MECOM: variants seen among roughly 807,000 people sequenced by gnomAD.
The protein encoded by MECOM is MDS1 and EVI1 complex locus, also known as histone-lysine N-methyltransferase MECOM.
Under a neutral mutation model 116.3 loss-of-function variants are expected in MECOM, and 13 were observed. The observed-to-expected ratio is 0.11, with a 90% CI of 0.07 to 0.18. MECOM has a LOEUF of 0.18. MECOM is among the 10% of genes least tolerant of loss of function. MECOM has a pLI of 1.00. For synonymous variants in MECOM, 528 were observed against 535.2 expected, an observed-to-expected ratio of 0.99 and a Z score of 0.19; for missense variants, 1,299 against 1,509.0, an observed-to-expected ratio of 0.86 and a Z score of 2.31.
chr3:169,149,023 G>C (rs986898307), intron 2 of MECOM, among the ~76,000 whole-genome samples: 5 of 151,036 alleles, frequency 3.3e-5, no homozygotes, highest in Admixed American at 3.3e-4. Context: ...AGAGCTCCTG[G>C]TTCGTGGCCA....
At chr3:169,366,440 C>A (rs1230498208) in intron 2 of MECOM, among the ~76,000 whole-genome samples, 2 of 151,902 alleles carry the variant, frequency 1.3e-5, no homozygotes, top group Non-Finnish European at 2.9e-5. Flanking sequence ...CTGCTCCTAC[C>A]CGTACAGTAC....
At chr3:169,617,052 T>C (rs1272802698) in intron 1 of MECOM, among the ~76,000 whole-genome samples, 1 of 152,212 alleles carries the variant, frequency 6.6e-6, no homozygotes, top group African/African-American at 2.4e-5. Context: ...CTATTTTCAT[T>C]GTATTTTCTT....
intron 3 of MECOM, among the ~76,000 whole-genome samples, chr3:169,138,283 A>G (rs1736981959): frequency 1.3e-5 from 2 of 152,094 alleles, no homozygotes; most frequent in African/African-American, 2.4e-5. Context: ...ACTTCAGGTC[A>G]CCCTCTCTTT....
At chr3:169,601,395 G>A (rs946718244) in intron 1 of MECOM, among the ~76,000 whole-genome samples, 7 of 152,208 alleles carry the variant, frequency 4.6e-5, no homozygotes, top group African/African-American at 1.7e-4. Context: ...TATAAAAGAG[G>A]AAGGCAGCAG....
At chr3:169,562,802 C>T (rs1342502235) in intron 1 of MECOM, among the ~76,000 whole-genome samples, 1 of 152,174 alleles carries the variant, frequency 6.6e-6, no homozygotes, top group African/African-American at 2.4e-5. Context: ...TGGCTCATGC[C>T]TGTAATCCCA....
rs775354165 is a variant in MECOM, at chr3:169,112,911, T to A, written c.2490-37A>T. On this transcript the variant is annotated intron_variant, in intron 8 of 16. Coordinates refer to ENST00000651503, the MANE Select transcript of MECOM (RefSeq NM_004991.4). ...AAATTAGATTTTGGAGATGAAGCAGTCTCACATATCAATCACTACATAATC... is the reference window on the plus strand; with the variant it reads ...AAATTAGATTTTGGAGATGAAGCAGACTCACATATCAATCACTACATAATC... The A allele has an allele frequency of 2.9e-6, 4 of 1,400,500 alleles. No individual in the cohort carries two copies. In the Admixed American group the frequency reaches 5.1e-5, roughly 18 times the overall value. The allele number at this position is 1,400,500 out of a possible 1,614,324, so 86.8% of individuals were successfully genotyped here.
intron 2 of MECOM, among the ~76,000 whole-genome samples, chr3:169,155,691 T>C (rs1741860458): frequency 6.6e-6 from 1 of 152,194 alleles, no homozygotes; most frequent in African/African-American, 2.4e-5. Flanking sequence ...TCTTTTACAA[T>C]TTGATGTCAA....
At chr3:169,491,719 A>G (rs1282407842) in intron 1 of MECOM, among the ~76,000 whole-genome samples, 1 of 152,242 alleles carries the variant, frequency 6.6e-6, no homozygotes, top group East Asian at 1.9e-4. Flanking sequence ...TCTGTAAGAC[A>G]TTTGTACCAA....
chr3:169,487,880 A>G (rs1455908375), intron 1 of MECOM, among the ~76,000 whole-genome samples: 2 of 152,166 alleles, frequency 1.3e-5, no homozygotes, highest in Non-Finnish European at 2.9e-5. Flanking sequence ...TGGTTACATT[A>G]ATATGAAACA....
intron 1 of MECOM, among the ~76,000 whole-genome samples, chr3:169,604,500 T>C (rs1165071366): frequency 1.3e-5 from 2 of 152,206 alleles, no homozygotes; most frequent in East Asian, 3.9e-4. Context: ...CCCTGAGCCC[T>C]GTGGAAGCAG....
chr3:169,087,958 A>G (rs752607205), intron 16 of MECOM, among the ~76,000 whole-genome samples: 62 of 152,362 alleles, frequency 4.1e-4, no homozygotes, highest in Non-Finnish European at 6.5e-4. Context: ...CTATTACCAT[A>G]CATAATATCT....
intron 16 of MECOM, chr3:169,086,616 G>A (rs1006398105): frequency 1.4e-6 from 1 of 700,134 alleles, no homozygotes; most frequent in South Asian, 1.5e-5. Context: ...GAGTTGTGGA[G>A]GAATCACATG....
chr3:169,200,113 T>G (rs187204863), intron 2 of MECOM, among the ~76,000 whole-genome samples: 152 of 152,180 alleles, frequency 1.0e-3, no homozygotes, highest in African/African-American at 3.5e-3. Flanking sequence ...ATTTCAAAGG[T>G]CAAAGACAGC....
At chr3:169,504,964 A>G (rs1755018097) in intron 1 of MECOM, among the ~76,000 whole-genome samples, 1 of 152,170 alleles carries the variant, frequency 6.6e-6, no homozygotes, top group African/African-American at 2.4e-5. Context: ...TACTGGCCCA[A>G]AAAGGAGGCT....
intron 2 of MECOM, among the ~76,000 whole-genome samples, chr3:169,233,062 C>T (rs1753608338): frequency 6.6e-6 from 1 of 152,008 alleles, no homozygotes; most frequent in African/African-American, 2.4e-5. Context: ...GGGCCTGTCT[C>T]CCAGTCAGGA....
At chr3:169,169,506 A>G (rs768784280) in intron 2 of MECOM, among the ~76,000 whole-genome samples, 55 of 152,264 alleles carry the variant, frequency 3.6e-4, no homozygotes, top group Middle Eastern at 3.4e-3. Flanking sequence ...TTTCTCTCAT[A>G]TTACTAAATG....
intron 1 of MECOM, among the ~76,000 whole-genome samples, chr3:169,406,633 ACT>A (rs1390883834): frequency 1.3e-5 from 2 of 152,046 alleles, no homozygotes; most frequent in Non-Finnish European, 2.9e-5. Flanking sequence ...CCAGACTGAC[ACT>A]CTCTTACGCA....
intron 2 of MECOM, among the ~76,000 whole-genome samples, chr3:169,189,368 C>T (rs949289211): frequency 6.6e-6 from 1 of 151,990 alleles, no homozygotes; most frequent in African/African-American, 2.4e-5. Context: ...CAACAGACTT[C>T]ACCTTCAGTT....
At chr3:169,458,089 T>G in intron 1 of MECOM, among the ~76,000 whole-genome samples, 1 of 152,184 alleles carries the variant, frequency 6.6e-6, no homozygotes, top group Non-Finnish European at 1.5e-5. Flanking sequence ...GATAGGATAA[T>G]TGAGAAGAAA....
Sources: gnomAD v4.1 joint callset for allele counts (sites outside exome capture counted in the v4.1 genomes callset) on GRCh38, gnomAD v4.1.1 for gene constraint, MANE v1.5 for transcripts, NCBI Gene and HGNC (gene_info 2026-07-23, HGNC 2026-07-21) for gene names.